Variants in PCDH11X observed in about 807,000 individuals in gnomAD.
The protein encoded by PCDH11X is protocadherin-11 X-linked.
PCDH11X carries 18 observed loss-of-function variants against 53.3 expected under a neutral mutation model. The ratio of observed to expected loss-of-function variants is 0.34; its 90% CI spans 0.23 to 0.50. The LOEUF (loss-of-function observed/expected upper bound fraction) is 0.50. Among genes scored for constraint, PCDH11X ranks in the 20% least tolerant of loss-of-function variants. The pLI, the probability that PCDH11X is intolerant of heterozygous loss-of-function variation, is 0.98. For missense variants in PCDH11X, 570 were observed against 1,032.4 expected (o/e 0.55, Z 6.14); for synonymous variants, 279 against 393.3 (o/e 0.71, Z 3.44).
intron 7 of PCDH11X, among the ~76,000 whole-genome samples, chrX:92,207,880 A>G (rs2066504050): frequency 8.9e-6 from 1 of 111,757 alleles, no homozygotes; most frequent in Non-Finnish European, 1.9e-5. Context: ...TGAAAAAATG[A>G]TGGAAGCTAA....
At chrX:92,114,569 A>T (rs774973423) in intron 6 of PCDH11X, 2 of 414,292 alleles carry the variant, frequency 4.8e-6, no homozygotes, top group African/African-American at 5.0e-5. Flanking sequence ...AAACTTTTCT[A>T]ACTTTTAAAA....
chrX:92,123,576 C>T (rs2064809403), intron 6 of PCDH11X, among the ~76,000 whole-genome samples: 1 of 106,740 alleles, frequency 9.4e-6, no homozygotes, highest in Non-Finnish European at 1.9e-5. Flanking sequence ...AGTTTCTCTC[C>T]TTATTTCTTC....
At chrX:92,364,723 A>G (rs1306462360) in intron 8 of PCDH11X, among the ~76,000 whole-genome samples, 2 of 107,537 alleles carry the variant, frequency 1.9e-5, no homozygotes, top group African/African-American at 6.8e-5. Context: ...CTTAAGCCAA[A>G]AACACATTTT....
chrX:92,463,145 A>T (rs2148658363), intron 9 of PCDH11X, among the ~76,000 whole-genome samples: 1 of 109,816 alleles, frequency 9.1e-6, no homozygotes, highest in Non-Finnish European at 1.9e-5. Flanking sequence ...TATTTTTAGC[A>T]AAAAGGAACA....
At chrX:92,294,642 G>A (rs1165199026) in intron 8 of PCDH11X, among the ~76,000 whole-genome samples, 4 of 110,778 alleles carry the variant, frequency 3.6e-5, no homozygotes, top group Non-Finnish European at 7.6e-5. Flanking sequence ...CTGTGGTCTT[G>A]GGGAAAAACA....
At chrX:92,251,566 A>C (rs2067461410) in intron 7 of PCDH11X, among the ~76,000 whole-genome samples, 1 of 111,574 alleles carries the variant, frequency 9.0e-6, no homozygotes, top group Non-Finnish European at 1.9e-5. Context: ...TAAGTTTCTT[A>C]ATCTCTTTGA....
intron 9 of PCDH11X, among the ~76,000 whole-genome samples, chrX:92,440,883 A>G (rs3952467): frequency 0.48 from 53,142 of 110,014 alleles, 11,319 homozygotes; most frequent in East Asian, 0.73. Flanking sequence ...AGACAGGAAA[A>G]TGTGGGAAAG....
intron 6 of PCDH11X, among the ~76,000 whole-genome samples, chrX:92,187,415 T>A (rs2066117216): frequency 8.9e-6 from 1 of 111,762 alleles, no homozygotes; most frequent in Non-Finnish European, 1.9e-5. Flanking sequence ...TTTAGTCACA[T>A]CTGCAGAGTC....
Position 91,878,190 on chromosome X carries a change from A to G in PCDH11X, c.1950A>G (p.Arg650=). 1 of 1,206,660 alleles carries G rather than the reference A, an allele frequency of 8.3e-7. No homozygotes were observed. The highest frequency in any genetic ancestry group is 1.1e-6 in the Non-Finnish European group (1 of 892,189). ...ATGTAAAGGCTGAGGATGGTGGTAG[A>G]GTATCACGTTCTTCAAGTGCCAAAG... ...TFYVKAEDGG[R]VSRSSSAKVT... The change falls in exon 6 of 11, where the codon AGA becomes AGG. Residue 650 remains arginine, a synonymous_variant. Transcript: ENST00000682573.
intron 1 of PCDH11X, among the ~76,000 whole-genome samples, chrX:91,802,217 T>C (rs1436388193): frequency 8.8e-6 from 1 of 113,243 alleles, no homozygotes; most frequent in Admixed American, 9.3e-5. Context: ...ATTTTCTTTA[T>C]GTAGATACTA....
intron 10 of PCDH11X, among the ~76,000 whole-genome samples, chrX:92,574,554 G>A (rs34471472): frequency 4.5e-5 from 5 of 110,356 alleles, no homozygotes; most frequent in African/African-American, 1.6e-4. Flanking sequence ...TTAGAAGACA[G>A]GAGAGCAATA....
At chrX:92,473,191 G>A (rs1390925891) in intron 10 of PCDH11X, among the ~76,000 whole-genome samples, 1 of 107,556 alleles carries the variant, frequency 9.3e-6, no homozygotes, top group Non-Finnish European at 1.9e-5. Context: ...AACTTGATAG[G>A]CTATATGTGT....
chrX:92,384,691 C>G (rs971601273), intron 8 of PCDH11X, among the ~76,000 whole-genome samples: 23 of 102,896 alleles, frequency 2.2e-4, no homozygotes, highest in Admixed American at 1.1e-4. Flanking sequence ...GCCACAAGAT[C>G]AGATGAGCCA....
intron 6 of PCDH11X, among the ~76,000 whole-genome samples, chrX:91,999,760 C>T (rs2062478466): frequency 9.2e-6 from 1 of 109,068 alleles, no homozygotes; most frequent in Admixed American, 1.0e-4. Context: ...AATCTCATTG[C>T]TGGTGTTTAT....
intron 4 of PCDH11X, among the ~76,000 whole-genome samples, chrX:91,813,504 G>A (rs774471002): frequency 5.9e-4 from 61 of 103,671 alleles, no homozygotes; most frequent in African/African-American, 1.9e-3. Flanking sequence ...ATGTTGGCTC[G>A]GCTGAAGAGG....
Position 92,603,234 on chromosome X carries a change from A to G in PCDH11X, c.3368-15030A>G, listed in dbSNP as rs1488471823. ...GATATTATGCAATCTAAAGAAAAAGAGAGAAAAAAGAACAAAGAAAAAGGC... is the reference window on the plus strand; with the variant it reads ...GATATTATGCAATCTAAAGAAAAAGGGAGAAAAAAGAACAAAGAAAAAGGC... On this transcript the variant is annotated intron_variant, in intron 10 of 10. Transcript: ENST00000682573. Among the ~76,000 whole-genome samples, 4 of 105,606 alleles carry G rather than the reference A, an allele frequency of 3.8e-5. 1 individual carries two copies. Among genetic ancestry groups the G allele is most frequent in the Non-Finnish European group, 7.8e-5 (4 of 51,507 alleles). 91.7% of individuals were successfully genotyped at this position (105,606 alleles called of 115,157 possible).
At position 91,798,731 on chromosome X, in the gene PCDH11X, C is replaced by G. The variant is rs1381419018; in HGVS notation, c.-378-10735C>G. Among the ~76,000 whole-genome samples the G allele has an allele frequency of 1.3e-4, 14 of 111,077 alleles. No individual in the cohort carries two copies. The Admixed American group carries it at 1.3e-3, about 11-fold the overall frequency. Reference sequence around the variant, plus strand: ...TTAATAATGTTTAGAAATTATGTTTCTCTTGCTAATATTCAGTATCACTTT... The same window carrying G: ...TTAATAATGTTTAGAAATTATGTTTGTCTTGCTAATATTCAGTATCACTTT... On this transcript the variant is annotated intron_variant, in intron 1 of 10. Coordinates refer to ENST00000682573, the MANE Select transcript of PCDH11X (RefSeq NM_032968.5).
At chrX:92,307,948 A>T (rs2068867154) in intron 8 of PCDH11X, among the ~76,000 whole-genome samples, 1 of 106,327 alleles carries the variant, frequency 9.4e-6, no homozygotes, top group South Asian at 4.3e-4. Flanking sequence ...AATAAATTTA[A>T]CTGAGGAGGT....
intron 8 of PCDH11X, among the ~76,000 whole-genome samples, chrX:92,367,410 C>T (rs1297165796): frequency 9.0e-6 from 1 of 111,184 alleles, no homozygotes; most frequent in Non-Finnish European, 1.9e-5. Context: ...AGATGGGTCT[C>T]TTGAATACAG....
Sources: gnomAD v4.1 joint callset for allele counts (sites outside exome capture counted in the v4.1 genomes callset) on GRCh38, gnomAD v4.1.1 for gene constraint, MANE v1.5 for transcripts, NCBI Gene and HGNC (gene_info 2026-07-23, HGNC 2026-07-21) for gene names.